Variants in NRP1 observed in about 807,000 individuals in gnomAD.
NRP1 encodes the protein neuropilin-1.
NRP1 carries 35 observed loss-of-function variants against 106.7 expected under a neutral mutation model. The ratio of observed to expected loss-of-function variants is 0.33; its 90% CI spans 0.25 to 0.43. NRP1 has a LOEUF of 0.43. Ranked by LOEUF, NRP1 falls within the 20% of genes least tolerant of loss-of-function variation. The pLI is 1.00. For missense variants in NRP1, 1,024 were observed against 1,170.4 expected, an observed-to-expected ratio of 0.87 and a Z score of 1.83; for synonymous variants, 437 against 417.9, an observed-to-expected ratio of 1.05 and a Z score of -0.56.
chr10:33,319,614 T>C (rs1346774805), intron 2 of NRP1, among the ~76,000 whole-genome samples: 1 of 144,244 alleles, frequency 6.9e-6, no homozygotes, highest in Non-Finnish European at 1.5e-5. Context: ...TGAGACAGTG[T>C]CTCCTTCTGT....
intron 13 of NRP1, among the ~76,000 whole-genome samples, chr10:33,187,830 G>T (rs1836113697): frequency 6.6e-6 from 1 of 152,132 alleles, no homozygotes; most frequent in African/African-American, 2.4e-5. Flanking sequence ...ACTCCTTTCC[G>T]CTTGCCTGTG....
chr10:33,321,767 C>T (rs545122712), intron 2 of NRP1, among the ~76,000 whole-genome samples: 4 of 152,142 alleles, frequency 2.6e-5, no homozygotes, highest in Admixed American at 2.6e-4. Context: ...TTGCTATCTT[C>T]GGCTATTCTG....
chr10:33,315,517 C>T (rs1185248047), intron 2 of NRP1, among the ~76,000 whole-genome samples: 2 of 152,160 alleles, frequency 1.3e-5, no homozygotes. Flanking sequence ...TTGGCCAATT[C>T]AATTTGGCAA....
intron 2 of NRP1, among the ~76,000 whole-genome samples, chr10:33,296,697 G>A (rs2132668652): frequency 6.6e-6 from 1 of 152,284 alleles, no homozygotes; most frequent in African/African-American, 2.4e-5. Flanking sequence ...CACTGGGCCA[G>A]CAGAGCCCAG....
Position 33,178,905 on chromosome 10 carries a change from T to G in NRP1, c.*1171A>C, listed in dbSNP as rs1176650766. On this transcript the variant is annotated 3_prime_UTR_variant, in exon 17 of 17. Coordinates refer to ENST00000374867, the MANE Select transcript of NRP1 (RefSeq NM_003873.7). ...TCCCTTATTTATTTATTTTTAAACATAAAGTCTAGTAAAATCGTTTGCCAT... is the reference window on the plus strand; with the variant it reads ...TCCCTTATTTATTTATTTTTAAACAGAAAGTCTAGTAAAATCGTTTGCCAT... 6.6e-6 allele frequency: 1 copy of G among 152,626 alleles called. No individual in the cohort carries two copies. The highest frequency in any genetic ancestry group is 1.5e-5 in the Non-Finnish European group (1 of 68,018). 9.5% of individuals were successfully genotyped at this position (152,626 alleles called of 1,614,324 possible). A position where few individuals can be genotyped will look rare whatever the true frequency, so the allele number is the denominator to read the frequency against.
intron 6 of NRP1, among the ~76,000 whole-genome samples, chr10:33,247,714 C>T (rs912759668): frequency 1.3e-5 from 2 of 152,230 alleles, no homozygotes; most frequent in Non-Finnish European, 2.9e-5. Flanking sequence ...CTCACCTGCA[C>T]CCTGGCTGGG....
intron 2 of NRP1, among the ~76,000 whole-genome samples, chr10:33,319,036 G>A (rs186707823): frequency 4.8e-5 from 6 of 125,872 alleles, no homozygotes; most frequent in Admixed American, 9.9e-5. Context: ...ACGGAGTCTC[G>A]CTCTGTCGCC....
rs561120797 is a variant in NRP1 at position 33,183,364 on chromosome 10, A to G, written c.2432-616T>C. On this transcript the variant is annotated intron_variant, in intron 15 of 16. Coordinates refer to ENST00000374867, the MANE Select transcript of NRP1 (RefSeq NM_003873.7). ...AAAAAAAAAAAAGAAGAGAAGGGGG[A>G]AGAGACATGGTTTTGGCATCTGAAA... Among the ~76,000 whole-genome samples the G allele has an allele frequency of 2.2e-4, 34 of 151,778 alleles. No homozygotes were observed. In the South Asian group the frequency reaches 6.9e-3, roughly 31 times the overall value.
At chr10:33,255,237 C>T (rs936247470) in intron 5 of NRP1, among the ~76,000 whole-genome samples, 1 of 152,120 alleles carries the variant, frequency 6.6e-6, no homozygotes. Flanking sequence ...TGTAATATAA[C>T]AATTATTTAC....
At chr10:33,201,419 A>C (rs192160405) in intron 11 of NRP1, 2 of 152,192 alleles carry the variant, frequency 1.3e-5, no homozygotes, top group Non-Finnish European at 2.9e-5. Flanking sequence ...TCCTGCAATC[A>C]TTCCTTTTTT....
intron 2 of NRP1, among the ~76,000 whole-genome samples, chr10:33,297,475 C>T (rs1845486651): frequency 6.6e-6 from 1 of 152,122 alleles, no homozygotes; most frequent in African/African-American, 2.4e-5. Context: ...CACCTGAAGT[C>T]AGGAGTCCAA....
rs562599265 is a variant in NRP1, at chr10:33,206,251, C to T, written c.1759+1321G>A. On this transcript the variant is annotated intron_variant, in intron 10 of 16. Coordinates refer to ENST00000374867, the MANE Select transcript of NRP1 (RefSeq NM_003873.7). ...TGACCACATTTCTCCGTGAATTGAA[C>T]GAACGCATCTGCAGTGAGTGGAGTC... is the stretch of plus-strand genomic sequence containing the variant. 21 of 519,016 alleles carry T rather than the reference C, an allele frequency of 4.0e-5. No homozygotes were observed. In the East Asian group the frequency reaches 7.1e-4, roughly 17 times the overall value. The allele number at this position is 519,016 out of a possible 1,614,324, so 32.2% of individuals were successfully genotyped here. A position where few individuals can be genotyped will look rare whatever the true frequency, so the allele number is the denominator to read the frequency against.
intron 2 of NRP1, among the ~76,000 whole-genome samples, chr10:33,305,746 T>TA (rs36039725): frequency 1.6e-3 from 232 of 143,982 alleles, no homozygotes; most frequent in Middle Eastern, 3.5e-3. Flanking sequence ...GATCTCTTTG[T>TA]AAAAAAAAAA....
intron 2 of NRP1, among the ~76,000 whole-genome samples, chr10:33,304,744 G>A (rs776101284): frequency 2.6e-5 from 4 of 152,166 alleles, no homozygotes; most frequent in Non-Finnish European, 4.4e-5. Context: ...ATTCAGTCTA[G>A]GTCTGAGGCT....
chr10:33,248,950 A>T (rs1048087845), intron 6 of NRP1, among the ~76,000 whole-genome samples: 1 of 152,304 alleles, frequency 6.6e-6, no homozygotes, highest in Admixed American at 6.5e-5. Context: ...AAATTTGGAG[A>T]AGAGTAGTTT....
At chr10:33,268,295 C>T (rs946224330) in intron 3 of NRP1, among the ~76,000 whole-genome samples, 3 of 152,084 alleles carry the variant, frequency 2.0e-5, no homozygotes, top group African/African-American at 4.8e-5. Context: ...GGCTTCCTGC[C>T]TGTTTGAGAA....
chr10:33,319,946 T>C (rs984715017), intron 2 of NRP1, among the ~76,000 whole-genome samples: 1 of 151,790 alleles, frequency 6.6e-6, no homozygotes, highest in Non-Finnish European at 1.5e-5. Flanking sequence ...GTTCCGTTCT[T>C]GGTCAGCTAG....
rs1371970799 is a variant in NRP1 at position 33,185,838 on chromosome 10, C to G, written c.2335-114G>C. 4 of 912,872 alleles carry G rather than the reference C, an allele frequency of 4.4e-6. No individual in the cohort carries two copies. The East Asian group carries it at 1.0e-4, about 24-fold the overall frequency. The allele number at this position is 912,872 out of a possible 1,614,324, so 56.5% of individuals were successfully genotyped here. A position where few individuals can be genotyped will look rare whatever the true frequency, so the allele number is the denominator to read the frequency against. ...CATAAATTAAATTCATCAGATTCAG[C>G]GTAACACAGACTTCACTCATCAATC... On this transcript the variant is annotated intron_variant, in intron 14 of 16. Transcript: ENST00000374867.
chr10:33,186,610 G>C, intron 13 of NRP1, 122 bp from the exon 14 acceptor site: 1 of 1,155,390 alleles, frequency 8.7e-7, no homozygotes, highest in Non-Finnish European at 1.2e-6. Flanking sequence ...CAAATACGTA[G>C]TGGAAAGGGA....
Sources: allele counts gnomAD v4.1 joint callset (sites outside exome capture counted in the v4.1 genomes callset), GRCh38; gene constraint gnomAD v4.1.1; transcripts MANE v1.5; gene names NCBI Gene and HGNC (gene_info 2026-07-23, HGNC 2026-07-21).